TAB1: variants seen among roughly 807,000 people sequenced by gnomAD.
TAB1 encodes the protein TGF-beta-activated kinase 1 and MAP3K7-binding protein 1.
TAB1 carries 30 observed loss-of-function variants against 54.5 expected under a neutral mutation model. The observed-to-expected ratio is 0.55, with a 90% CI of 0.41 to 0.75. TAB1 has a LOEUF of 0.75. Among genes scored for constraint, TAB1 ranks in the 30% least tolerant of loss-of-function variants. TAB1 has a pLI of 0.00. For synonymous variants in TAB1, 289 were observed against 286.9 expected, an observed-to-expected ratio of 1.01 and a Z score of -0.07; for missense variants, 609 against 683.2, an observed-to-expected ratio of 0.89 and a Z score of 1.21.
intron 1 of TAB1, among the ~76,000 whole-genome samples, chr22:39,401,791 G>T (rs962157387): frequency 7.9e-5 from 12 of 152,188 alleles, no homozygotes; most frequent in African/African-American, 2.7e-4. Context: ...TGATGATCAG[G>T]ACATCCCTCT....
intron 10 of TAB1, among the ~76,000 whole-genome samples, chr22:39,429,624 C>T (rs1927498880): frequency 6.6e-6 from 1 of 152,254 alleles, no homozygotes; most frequent in East Asian, 1.9e-4. Context: ...ATTACAGGCA[C>T]ACGCCACCAT....
chr22:39,416,999 G>A (rs888987537), intron 4 of TAB1, 122 bp downstream of exon 4: 27 of 888,918 alleles, frequency 3.0e-5, no homozygotes, highest in Non-Finnish European at 1.8e-6. Flanking sequence ...AGCAGTTCCT[G>A]ATGGGTGACA....
In TAB1 at chr22:39,415,085, C is replaced by G. The variant is rs373522631; in HGVS notation, c.113C>G (p.Ser38Cys). The change falls in exon 2 of 11, where the codon TCT becomes TGT. Residue 38 changes from serine to cysteine, a missense_variant. Coordinates refer to ENST00000216160, the MANE Select transcript of TAB1 (RefSeq NM_006116.3). This position sits in a 1 kb window ranked among gnomAD's most constrained non-coding sequence, Gnocchi z 4.9. ...GVGSASNRSY[S>C]ADGKGTESHP... ...GGCTCAGCCTCCAACCGCAGCTACT[C>G]TGCTGATGGCAAGGGCACTGAGAGC... 5 of 1,613,004 alleles carry G rather than the reference C, an allele frequency of 3.1e-6. No individual in the cohort carries two copies. The South Asian group carries it at 4.4e-5, about 14-fold the overall frequency.
chr22:39,418,562 G>T (rs77845165), intron 5 of TAB1, among the ~76,000 whole-genome samples, 170 bp from the exon 6 acceptor site: 1 of 152,094 alleles, frequency 6.6e-6, no homozygotes, highest in African/African-American at 2.4e-5. Flanking sequence ...CAATTCTTTC[G>T]TATCACCAGC....
At chr22:39,419,224 G>C (rs1926964937) in intron 6 of TAB1, among the ~76,000 whole-genome samples, 1 of 152,214 alleles carries the variant, frequency 6.6e-6, no homozygotes, top group African/African-American at 2.4e-5. Context: ...TCCCTTCCCA[G>C]TGAGCTCCAG....
At chr22:39,416,689 A>C in intron 3 of TAB1, 102 bp from the exon 4 acceptor site, 2 of 1,083,660 alleles carry the variant, frequency 1.8e-6, no homozygotes, top group South Asian at 2.5e-5. Context: ...AAGAACCTGC[A>C]GTGAAGACAG....
chr22:39,426,677 C>G lies in TAB1; in HGVS notation c.922-26C>G, dbSNP rs769073021. On this transcript the variant is annotated intron_variant, in intron 8 of 10. Coordinates refer to ENST00000216160, the MANE Select transcript of TAB1 (RefSeq NM_006116.3). ...CCCCAGGCCGCACCTCGTTCCTTAC[C>G]AGGTTCTTCCTACCCCCTCCCCCAG... 9 of 1,576,692 alleles carry G rather than the reference C, an allele frequency of 5.7e-6. No individual in the cohort carries two copies. The Admixed American group carries it at 6.8e-5, about 12-fold the overall frequency.
At chr22:39,409,829 A>G (rs1926534079) in intron 1 of TAB1, among the ~76,000 whole-genome samples, 1 of 151,932 alleles carries the variant, frequency 6.6e-6, no homozygotes, top group Non-Finnish European at 1.5e-5. Flanking sequence ...TGTGTGTTTG[A>G]ATTCTCTCTC....
intron 10 of TAB1, 84 bp downstream of exon 10, chr22:39,428,267 G>A: frequency 2.1e-6 from 2 of 933,102 alleles, no homozygotes; most frequent in East Asian, 2.7e-5. Context: ...TGGCCATGGG[G>A]CCAAGGCTTG....
intron 1 of TAB1, among the ~76,000 whole-genome samples, chr22:39,405,840 G>A (rs188023487): frequency 6.6e-6 from 1 of 152,270 alleles, no homozygotes; most frequent in African/African-American, 2.4e-5. Flanking sequence ...GGGGAACACG[G>A]AGAAGACCAG....
Position 39,431,208 on chromosome 22 carries a change from G to A in TAB1, c.*986G>A. The stretch of plus-strand genomic sequence containing the variant: ...AGGTTCTTTGAGACACAGTACCCTG[G>A]GAGGCATAGGAGAAGGGTCGGGCCA... On this transcript the variant is annotated 3_prime_UTR_variant, in exon 11 of 11. Coordinates refer to ENST00000216160, the MANE Select transcript of TAB1 (RefSeq NM_006116.3). The A allele has an allele frequency of 3.0e-6, 3 of 985,646 alleles. No individual in the cohort carries two copies. Among genetic ancestry groups the A allele is most frequent in the Non-Finnish European group, 2.4e-6 (2 of 830,078 alleles). 61.1% of individuals were successfully genotyped at this position (985,646 alleles called of 1,614,324 possible). A position where few individuals can be genotyped will look rare whatever the true frequency, so the allele number is the denominator to read the frequency against.
chr22:39,426,991 G>T, intron 9 of TAB1, 66 bp downstream of exon 9: 1 of 1,508,318 alleles, frequency 6.6e-7, no homozygotes, highest in African/African-American at 1.4e-5. Context: ...TGGGTGCAGA[G>T]CCCCCGAGGC....
At chr22:39,407,381 T>G (rs1328967233) in intron 1 of TAB1, among the ~76,000 whole-genome samples, 1 of 152,228 alleles carries the variant, frequency 6.6e-6, no homozygotes, top group East Asian at 1.9e-4. Context: ...CCGGTTTTTA[T>G]GCTCTCATTC....
At position 39,405,966 on chromosome 22, in the gene TAB1, G is replaced by A. The variant is rs538541986; in HGVS notation, c.33+6131G>A. Among the ~76,000 whole-genome samples, 12 of 152,298 alleles carry A rather than the reference G, an allele frequency of 7.9e-5. No homozygotes were observed. In the South Asian group the frequency reaches 2.1e-3, roughly 26 times the overall value. ...ACTGCCCATGTGTCATTGGATCTAA[G>A]ACACCAATGTTTTAAGGACACGTCA... On this transcript the variant is annotated intron_variant, in intron 1 of 10. Coordinates refer to ENST00000216160, the MANE Select transcript of TAB1 (RefSeq NM_006116.3).
intron 7 of TAB1, 131 bp from the exon 8 acceptor site, chr22:39,421,696 C>CA (rs780340282): frequency 2.9e-5 from 29 of 1,001,754 alleles, no homozygotes; most frequent in East Asian, 2.4e-4. Context: ...CTCTTTCTCT[C>CA]TTTTCTTTTC....
At chr22:39,434,365 G>A (rs922783904), downstream of TAB1, among the ~76,000 whole-genome samples, 1 of 152,284 alleles carries the variant, frequency 6.6e-6, no homozygotes, top group Non-Finnish European at 1.5e-5. Context: ...CTCTTGGGCA[G>A]CGGGCGTGGT....
chr22:39,417,484 G>T (rs946465970), intron 4 of TAB1, among the ~76,000 whole-genome samples: 2 of 152,186 alleles, frequency 1.3e-5, no homozygotes, highest in African/African-American at 4.8e-5. Flanking sequence ...GCTGGGCGTG[G>T]TGGTGGGCGC....
chr22:39,423,795 G>A (rs933844446), intron 8 of TAB1, among the ~76,000 whole-genome samples: 8 of 151,988 alleles, frequency 5.3e-5, no homozygotes, highest in Non-Finnish European at 8.8e-5. Flanking sequence ...GTTTTATAGT[G>A]TACATTGTAA....
intron 8 of TAB1, 72 bp downstream of exon 8, chr22:39,422,043 T>G: frequency 1.5e-6 from 2 of 1,316,290 alleles, no homozygotes; most frequent in Non-Finnish European, 2.0e-6. Flanking sequence ...TCACCCTGCC[T>G]TCTAGCACTG....
Sources: gnomAD v4.1 joint callset for allele counts (sites outside exome capture counted in the v4.1 genomes callset) on GRCh38, gnomAD v4.1.1 for gene constraint, Gnocchi (gnomAD v3.1) non-coding constraint, MANE v1.5 for transcripts, NCBI Gene and HGNC (gene_info 2026-07-23, HGNC 2026-07-21) for gene names.